The following ATG7 variants were observed in gnomAD, a reference collection of about 807,000 sequenced individuals.
ATG7 encodes autophagy related 7.
In ATG7, 70 loss-of-function variants were observed where a neutral mutation model predicts 82.4. That is an observed-to-expected ratio of 0.85 (90% confidence interval 0.70 to 1.04). The LOEUF (loss-of-function observed/expected upper bound fraction) is 1.04, where lower values mean the gene tolerates loss of function less well. Among genes scored for constraint, ATG7 ranks in the 50% least tolerant of loss-of-function variants. The pLI, the probability that ATG7 is intolerant of heterozygous loss-of-function variation, is 0.00. For synonymous variants in ATG7, 287 were observed against 313.0 expected, an observed-to-expected ratio of 0.92 and a Z score of 0.88; for missense variants, 792 against 864.3, an observed-to-expected ratio of 0.92 and a Z score of 1.05.
chr3:11,551,988 A>G (rs541545102), intron 20 of ATG7, among the ~76,000 whole-genome samples: 1 of 151,268 alleles, frequency 6.6e-6, no homozygotes, highest in East Asian at 2.0e-4. Flanking sequence ...ACCTCAAGTG[A>G]TCCACCCGCC....
chr3:11,472,535 C>G (rs2087665827), intron 20 of ATG7, among the ~76,000 whole-genome samples: 1 of 152,102 alleles, frequency 6.6e-6, no homozygotes, highest in South Asian at 2.1e-4. Context: ...ATCTGAGAGC[C>G]AGGGAGAAAT....
chr3:11,564,282 A>T, the ATG7 span, among the ~76,000 whole-genome samples: 1 of 152,176 alleles, frequency 6.6e-6, no homozygotes, highest in Admixed American at 6.5e-5. Context: ...TGTACCAATC[A>T]TAGGCTTCTG....
At chr3:11,390,486 C>G (rs1233842294) in intron 19 of ATG7, among the ~76,000 whole-genome samples, 1 of 152,226 alleles carries the variant, frequency 6.6e-6, no homozygotes, top group Non-Finnish European at 1.5e-5. Context: ...TCCTATCCCA[C>G]TCAGCAGAAG....
At chr3:11,382,418 A>G (rs998530217) in intron 19 of ATG7, among the ~76,000 whole-genome samples, 1 of 152,326 alleles carries the variant, frequency 6.6e-6, no homozygotes, top group East Asian at 1.9e-4. Context: ...TTCTTATCCT[A>G]TGTGATCTTA....
At chr3:11,285,139 CTTT>C (rs34116945) in intron 3 of ATG7, among the ~76,000 whole-genome samples, 35 of 104,074 alleles carry the variant, frequency 3.4e-4, no homozygotes, top group East Asian at 5.5e-4. Flanking sequence ...TGTGAGCCAC[CTTT>C]TTTTTTTTTT....
At chr3:11,490,000 G>C (rs1238957899) in intron 20 of ATG7, among the ~76,000 whole-genome samples, 1 of 151,954 alleles carries the variant, frequency 6.6e-6, no homozygotes, top group Non-Finnish European at 1.5e-5. Flanking sequence ...GGTCCGCTTG[G>C]TGCAGAGCTG....
At chr3:11,573,774 G>A in the ATG7 span, among the ~76,000 whole-genome samples, 2 of 152,204 alleles carry the variant, frequency 1.3e-5, no homozygotes, top group African/African-American at 4.8e-5. Flanking sequence ...GTAATGGGTT[G>A]AACTGTGTCC....
intron 20 of ATG7, among the ~76,000 whole-genome samples, chr3:11,484,992 C>T (rs1372855397): frequency 7.2e-5 from 11 of 152,072 alleles, no homozygotes; most frequent in South Asian, 4.1e-4. Context: ...TGAATAGTGC[C>T]GCAATAAACA....
At chr3:11,385,234 TG>T (rs958659002) in intron 19 of ATG7, among the ~76,000 whole-genome samples, 2 of 152,150 alleles carry the variant, frequency 1.3e-5, no homozygotes, top group Non-Finnish European at 2.9e-5. Flanking sequence ...TTCACCATGT[TG>T]GCCAGGTTGG....
chr3:11,334,496 G>T (rs1286663843), intron 11 of ATG7, among the ~76,000 whole-genome samples: 5 of 149,368 alleles, frequency 3.3e-5, no homozygotes, highest in Non-Finnish European at 7.5e-5. Flanking sequence ...CACCCACCTT[G>T]GCCTCCCAAA....
At chr3:11,480,491 G>A (rs940263299) in intron 20 of ATG7, among the ~76,000 whole-genome samples, 1 of 152,098 alleles carries the variant, frequency 6.6e-6, no homozygotes, top group African/African-American at 2.4e-5. Flanking sequence ...ATGGTTTGCG[G>A]CAGGGGGCCG....
chr3:11,337,860 C>T (rs1952791550), intron 11 of ATG7, among the ~76,000 whole-genome samples: 1 of 151,904 alleles, frequency 6.6e-6, no homozygotes, highest in Non-Finnish European at 1.5e-5. Context: ...AATTTCTTAC[C>T]TGTATCAAGA....
chr3:11,490,822 A>G (rs1422574619), intron 20 of ATG7, among the ~76,000 whole-genome samples: 1 of 152,188 alleles, frequency 6.6e-6, no homozygotes, highest in Non-Finnish European at 1.5e-5. Flanking sequence ...TGGCTTGTAG[A>G]GTTTCTGCTG....
At chr3:11,520,679 G>C (rs1346612535) in intron 20 of ATG7, among the ~76,000 whole-genome samples, 3 of 152,204 alleles carry the variant, frequency 2.0e-5, no homozygotes, top group African/African-American at 7.2e-5. Flanking sequence ...GTACCTCACA[G>C]CAGCCATTAT....
chr3:11,558,664 G>A (rs933215427), downstream of ATG7: 5 of 1,613,152 alleles, frequency 3.1e-6, no homozygotes, highest in Non-Finnish European at 4.2e-6. Flanking sequence ...CTCCGTCCTT[G>A]GCCGCTTTGA....
chr3:11,464,112 C>T (rs2086603012), intron 20 of ATG7, among the ~76,000 whole-genome samples: 1 of 152,236 alleles, frequency 6.6e-6, no homozygotes, highest in Non-Finnish European at 1.5e-5. Flanking sequence ...TGGCTCATGC[C>T]TATAATCCCA....
At chr3:11,507,914 C>T (rs1459579428) in intron 20 of ATG7, among the ~76,000 whole-genome samples, 1 of 150,982 alleles carries the variant, frequency 6.6e-6, no homozygotes, top group Non-Finnish European at 1.5e-5. Context: ...CTGGGAAACA[C>T]AGTCTGTAGT....
Position 11,513,424 on chromosome 3 carries a change from G to A in ATG7, c.2080-41387G>A, listed in dbSNP as rs375884513. On this transcript the variant is annotated intron_variant, in intron 20 of 20. Coordinates refer to ENST00000693202, the MANE Select transcript of ATG7 (RefSeq NM_001349232.2). ...GCTAAGGCCCAGGGAGAAATTGAGCGCAGCACCAGTGGGCCAGCACTGCTG... is the reference window on the plus strand; with the variant it reads ...GCTAAGGCCCAGGGAGAAATTGAGCACAGCACCAGTGGGCCAGCACTGCTG... Among the ~76,000 whole-genome samples the A allele has an allele frequency of 8.5e-5, 13 of 152,246 alleles. No individual in the cohort carries two copies. The South Asian group carries it at 1.0e-3, about 12-fold the overall frequency.
intron 18 of ATG7, among the ~76,000 whole-genome samples, chr3:11,368,250 A>AAAG (rs1212452849): frequency 1.7e-4 from 26 of 150,226 alleles, no homozygotes; most frequent in African/African-American, 3.7e-4. Flanking sequence ...AAAAAAAAAA[A>AAAG]AAGAAGAAGA....
Sources: allele counts gnomAD v4.1 joint callset (sites outside exome capture counted in the v4.1 genomes callset), GRCh38; gene constraint gnomAD v4.1.1; transcripts MANE v1.5; gene names NCBI Gene and HGNC (gene_info 2026-07-23, HGNC 2026-07-21).